The following KCNK2 variants were observed in gnomAD, a reference collection of about 807,000 sequenced individuals.
The protein encoded by KCNK2 is potassium two pore domain channel subfamily K member 2, also known as potassium channel subfamily K member 2.
A neutral mutation model predicts 40.5 loss-of-function variants in KCNK2; 21 were observed. The observed-to-expected ratio is 0.52, with a 90% CI of 0.37 to 0.75. The LOEUF (loss-of-function observed/expected upper bound fraction) is 0.75. Among genes scored for constraint, KCNK2 ranks in the 30% least tolerant of loss-of-function variants. The pLI is 0.00. For synonymous variants in KCNK2, 191 were observed against 202.2 expected, an observed-to-expected ratio of 0.94 and a Z score of 0.47; for missense variants, 399 against 531.6, an observed-to-expected ratio of 0.75 and a Z score of 2.45.
chr1:215,097,069 G>A (rs973058094), intron 2 of KCNK2, among the ~76,000 whole-genome samples: 7 of 151,720 alleles, frequency 4.6e-5, no homozygotes, highest in Admixed American at 4.0e-4. Flanking sequence ...TAGATCAACC[G>A]AGAAAGGAGG....
chr1:215,083,215 CG>C lies in KCNK2; in HGVS notation c.-170del. The C allele has an allele frequency of 7.4e-7, 1 of 1,347,056 alleles. No individual in the cohort carries two copies. The highest frequency in any genetic ancestry group is 1.0e-6 in the Non-Finnish European group (1 of 990,720). 83.4% of individuals were successfully genotyped at this position (1,347,056 alleles called of 1,614,324 possible). On this transcript the variant is annotated 5_prime_UTR_variant, in exon 1 of 7. Transcript: ENST00000444842. ...ACGCTCCCCCCCCCGCCCCCTCCCG[CG>C]TCCAGCCCCGCTCTCCCCACCTTGT...
At chr1:215,038,401 G>C (rs1239892133) in intron 1 of KCNK2, among the ~76,000 whole-genome samples, 2 of 152,078 alleles carry the variant, frequency 1.3e-5, no homozygotes, top group African/African-American at 4.8e-5. Context: ...AGGAGATAGA[G>C]AACTGTGGTA....
intron 1 of KCNK2, among the ~76,000 whole-genome samples, chr1:215,061,843 A>C (rs1020615250): frequency 6.6e-6 from 1 of 152,156 alleles, no homozygotes; most frequent in African/African-American, 2.4e-5. Context: ...TCCATGGCTC[A>C]GGATGCTTCT....
chr1:215,012,778 T>C (rs2841614), intron 1 of KCNK2, among the ~76,000 whole-genome samples: 15,424 of 151,960 alleles, frequency 0.1, 1,098 homozygotes, highest in African/African-American at 0.19. Context: ...AAATTAAGGA[T>C]TTAAGCCCTT....
At chr1:215,080,165 C>T (rs1337442898), upstream of KCNK2, among the ~76,000 whole-genome samples, 4 of 152,172 alleles carry the variant, frequency 2.6e-5, no homozygotes, top group African/African-American at 9.6e-5. Flanking sequence ...AAAACAGAAG[C>T]GCTATGCAAG....
chr1:215,089,736 G>A (rs867132709), intron 2 of KCNK2, among the ~76,000 whole-genome samples: 9 of 151,954 alleles, frequency 5.9e-5, no homozygotes, highest in Admixed American at 2.6e-4. Context: ...GACATGTTTT[G>A]AGCAATATGA....
At chr1:215,107,813 A>T (rs1660501080) in intron 2 of KCNK2, among the ~76,000 whole-genome samples, 1 of 152,174 alleles carries the variant, frequency 6.6e-6, no homozygotes, top group Non-Finnish European at 1.5e-5. Flanking sequence ...CAAACCACAG[A>T]TGAAAAATAT....
intron 6 of KCNK2, among the ~76,000 whole-genome samples, chr1:215,209,833 A>T (rs74989940): frequency 1.8e-4 from 13 of 72,332 alleles, no homozygotes; most frequent in African/African-American, 8.2e-4. Flanking sequence ...TTATATATAA[A>T]ATATATATTA....
intron 1 of KCNK2, among the ~76,000 whole-genome samples, chr1:215,064,857 T>G (rs753001165): frequency 1.1e-4 from 17 of 152,218 alleles, no homozygotes; most frequent in Non-Finnish European, 2.2e-4. Context: ...GAAAAGATTC[T>G]AACTTCCTCT....
intron 4 of KCNK2, 79 bp downstream of exon 4, chr1:215,169,438 A>T (rs1048860118): frequency 8.6e-5 from 95 of 1,108,204 alleles, no homozygotes; most frequent in Middle Eastern, 4.5e-4. Context: ...GTCACCTCAG[A>T]TACAATTAGA....
chr1:215,126,714 C>G (rs1335593332), intron 3 of KCNK2, among the ~76,000 whole-genome samples: 1 of 151,956 alleles, frequency 6.6e-6, no homozygotes, highest in Non-Finnish European at 1.5e-5. Context: ...AAAAATAAAC[C>G]ATTATTACCA....
chr1:215,153,648 G>A (rs546411068), intron 3 of KCNK2, among the ~76,000 whole-genome samples: 1 of 150,298 alleles, frequency 6.7e-6, no homozygotes, highest in Non-Finnish European at 1.5e-5. Context: ...TTTAAGTTCC[G>A]GGATACGTGT....
chr1:215,131,759 C>T (rs1253672430), intron 3 of KCNK2, among the ~76,000 whole-genome samples: 1 of 151,886 alleles, frequency 6.6e-6, no homozygotes, highest in African/African-American at 2.4e-5. Flanking sequence ...TTAATTTTTC[C>T]TTAGAGCAAC....
intron 4 of KCNK2, among the ~76,000 whole-genome samples, chr1:215,171,251 T>G (rs571581479): frequency 9.2e-5 from 14 of 152,254 alleles, no homozygotes; most frequent in African/African-American, 3.4e-4. Flanking sequence ...CTATAGAGAT[T>G]TTTTTACTGG....
At chr1:215,207,844 G>C (rs1343985645) in intron 6 of KCNK2, among the ~76,000 whole-genome samples, 1 of 152,088 alleles carries the variant, frequency 6.6e-6, no homozygotes, top group Non-Finnish European at 1.5e-5. Flanking sequence ...AGTCAGAATG[G>C]CTATTATTGA....
chr1:215,067,866 CA>C (rs891698618), intron 1 of KCNK2, among the ~76,000 whole-genome samples: 8 of 150,206 alleles, frequency 5.3e-5, no homozygotes, highest in South Asian at 2.1e-4. Context: ...GACTCCATCT[CA>C]AAAAAAAATT....
chr1:215,164,544 T>C (rs1663357045), intron 3 of KCNK2, among the ~76,000 whole-genome samples: 1 of 152,202 alleles, frequency 6.6e-6, no homozygotes, highest in Non-Finnish European at 1.5e-5. Flanking sequence ...CTTTCTCCTG[T>C]GGGCATTTAG....
In KCNK2 at chr1:215,054,544, C is replaced by T. The variant is rs61818271; in HGVS notation, c.35-31824C>T. Among the ~76,000 whole-genome samples the T allele has an allele frequency of 9.4e-3, 1,431 of 152,332 alleles. 26 individuals are homozygous for T. The highest frequency in any genetic ancestry group is 0.066 in the South Asian group (319 of 4,828). The stretch of plus-strand genomic sequence containing the variant: ...ATTTTCGATTCTCCGGTAGGCTGCA[C>T]TGCACACCCACCGCTGTTCTACCGA... On this transcript the variant is annotated intron_variant, in intron 1 of 6. Coordinates refer to the KCNK2 transcript ENST00000391895.
At chr1:215,192,714 C>T (rs970791746) in intron 5 of KCNK2, among the ~76,000 whole-genome samples, 1 of 152,052 alleles carries the variant, frequency 6.6e-6, no homozygotes, top group Non-Finnish European at 1.5e-5. Context: ...GTTTTAGAGC[C>T]GTATCCTCCA....
Sources: allele counts gnomAD v4.1 joint callset (sites outside exome capture counted in the v4.1 genomes callset), GRCh38; gene constraint gnomAD v4.1.1; transcripts MANE v1.5; gene names NCBI Gene and HGNC (gene_info 2026-07-23, HGNC 2026-07-21).